PFKFB1: variants seen among roughly 807,000 people sequenced by gnomAD.
PFKFB1 encodes the protein 6-phosphofructo-2-kinase/fructose-2,6-bisphosphatase 1.
A neutral mutation model predicts 46.4 loss-of-function variants in PFKFB1; 34 were observed. The ratio of observed to expected loss-of-function variants is 0.73; its 90% CI spans 0.56 to 0.98. The LOEUF is 0.98. PFKFB1 is among the 50% of genes least tolerant of loss of function. The pLI, the probability that PFKFB1 is intolerant of heterozygous loss-of-function variation, is 0.00. For missense variants in PFKFB1, 393 were observed against 376.3 expected (o/e 1.04, Z -0.37); for synonymous variants, 119 against 133.8 (o/e 0.89, Z 0.76).
At chrX:54,997,905 C>T (rs753961065), upstream of PFKFB1, among the ~76,000 whole-genome samples, 48 of 112,221 alleles carry the variant, frequency 4.3e-4, no homozygotes, top group Non-Finnish European at 6.6e-4. Context: ...ACTCTTAGAG[C>T]GAGGAAGTCC....
chrX:54,954,815 A>T (rs1402840898), intron 7 of PFKFB1, among the ~76,000 whole-genome samples: 2 of 111,891 alleles, frequency 1.8e-5, no homozygotes, highest in Non-Finnish European at 1.9e-5. Context: ...TGATGCATAG[A>T]CTGTAAATGT....
intron 1 of PFKFB1, among the ~76,000 whole-genome samples, chrX:54,971,935 G>T (rs1274424579): frequency 4.5e-5 from 5 of 111,415 alleles, no homozygotes. Context: ...GGGCAGTATG[G>T]CCATCTTCAT....
chrX:54,952,905 T>A (rs1435410374), intron 7 of PFKFB1, among the ~76,000 whole-genome samples: 1 of 109,778 alleles, frequency 9.1e-6, no homozygotes, highest in Non-Finnish European at 1.9e-5. Context: ...GATACAGAGG[T>A]GGTCCACAAC....
intron 1 of PFKFB1, among the ~76,000 whole-genome samples, chrX:54,985,610 A>T (rs1935093934): frequency 1.8e-5 from 2 of 111,168 alleles, no homozygotes; most frequent in South Asian, 7.5e-4. Flanking sequence ...GAACAAATGA[A>T]AATAATAGAA....
intron 1 of PFKFB1, among the ~76,000 whole-genome samples, chrX:54,981,395 CAAT>C (rs1477045045): frequency 3.6e-5 from 4 of 111,516 alleles, no homozygotes; most frequent in Non-Finnish European, 5.7e-5. Context: ...TTCTCAACAA[CAAT>C]AATGAAAACC....
chrX:54,991,799 A>T (rs1244476733), intron 1 of PFKFB1, among the ~76,000 whole-genome samples: 1 of 111,834 alleles, frequency 8.9e-6, no homozygotes, highest in African/African-American at 3.3e-5. Context: ...TCACAAGGGG[A>T]ATAAACAAAC....
upstream of PFKFB1, among the ~76,000 whole-genome samples, chrX:54,997,985 C>T (rs368673183): frequency 4.4e-5 from 5 of 112,397 alleles, no homozygotes; most frequent in South Asian, 3.7e-4. Context: ...CTCTGAGGAA[C>T]GTTGGCTAGA....
At chrX:54,937,496 G>T in intron 11 of PFKFB1, 99 bp downstream of exon 11, 2 of 786,826 alleles carry the variant, frequency 2.5e-6, no homozygotes, top group South Asian at 3.1e-5. Flanking sequence ...CCTTGTTCTA[G>T]ATACTCTTCT....
chrX:54,957,269 T>C (rs1266284965), intron 6 of PFKFB1, among the ~76,000 whole-genome samples: 1 of 111,723 alleles, frequency 9.0e-6, no homozygotes, highest in Non-Finnish European at 1.9e-5. Context: ...CAAGGTACCA[T>C]TCATTTTAAT....
At position 54,964,744 on chromosome X, in the gene PFKFB1, T is replaced by C. The variant is rs1207075522; in HGVS notation, c.98-1362A>G. ...GTCTACTGTTTCCATCTTTATCAGA[T>C]AGGAAACTTAAAATAGCTATGATTA... is the stretch of plus-strand genomic sequence containing the variant. On this transcript the variant is annotated intron_variant, in intron 1 of 13. Transcript: ENST00000375006. 2.7e-5 allele frequency among the ~76,000 whole-genome samples: 3 copies of C among 111,425 alleles called. No homozygotes were observed. The Admixed American group carries it at 2.9e-4, about 11-fold the overall frequency.
intron 11 of PFKFB1, among the ~76,000 whole-genome samples, chrX:54,935,747 C>T (rs1278377191): frequency 1.8e-5 from 2 of 111,538 alleles, no homozygotes; most frequent in Non-Finnish European, 3.8e-5. Flanking sequence ...AATGCATGCA[C>T]TGGCCCCTAC....
intron 1 of PFKFB1, among the ~76,000 whole-genome samples, chrX:54,979,812 G>C (rs1934928605): frequency 1.8e-5 from 2 of 111,690 alleles, no homozygotes; most frequent in African/African-American, 6.5e-5. Context: ...TAAGGCAAAA[G>C]TGATGGGATA....
At chrX:54,977,201 G>GTA (rs1262024427) in intron 1 of PFKFB1, among the ~76,000 whole-genome samples, 1 of 111,140 alleles carries the variant, frequency 9.0e-6, no homozygotes, top group Non-Finnish European at 1.9e-5. Context: ...TATATTACAA[G>GTA]TATATATATC....
intron 10 of PFKFB1, among the ~76,000 whole-genome samples, chrX:54,940,782 G>A (rs1359539857): frequency 9.0e-6 from 1 of 111,713 alleles, no homozygotes; most frequent in Non-Finnish European, 1.9e-5. Context: ...CTCATGGGTA[G>A]GAAGAATCAA....
chrX:54,939,244 G>C (rs1933524103), intron 10 of PFKFB1, among the ~76,000 whole-genome samples: 2 of 111,278 alleles, frequency 1.8e-5, no homozygotes, highest in Non-Finnish European at 3.8e-5. Context: ...ATTTAAAGCA[G>C]TGTGTACAGG....
chrX:54,993,693 A>C (rs1328041722), intron 1 of PFKFB1, among the ~76,000 whole-genome samples: 1 of 112,356 alleles, frequency 8.9e-6, no homozygotes, highest in Non-Finnish European at 1.9e-5. Flanking sequence ...GATGGTCTTA[A>C]CCTAATCCTC....
chrX:54,973,501 C>A (rs1934744331), intron 1 of PFKFB1, among the ~76,000 whole-genome samples: 1 of 111,051 alleles, frequency 9.0e-6, no homozygotes, highest in African/African-American at 3.3e-5. Flanking sequence ...TCCCTCTACA[C>A]ACTGCTTTGA....
At chrX:54,978,263 C>T (rs207478329) in intron 1 of PFKFB1, among the ~76,000 whole-genome samples, 1 of 110,977 alleles carries the variant, frequency 9.0e-6, no homozygotes, top group African/African-American at 3.3e-5. Flanking sequence ...TATTATAACC[C>T]AAATAATTAA....
At chrX:54,998,430 C>G, upstream of PFKFB1, 2 of 1,151,781 alleles carry the variant, frequency 1.7e-6, no homozygotes. Flanking sequence ...GTTTTTTCTT[C>G]CATCGCTAAT....
Sources: gnomAD v4.1 joint callset for allele counts (sites outside exome capture counted in the v4.1 genomes callset) on GRCh38, gnomAD v4.1.1 for gene constraint, MANE v1.5 for transcripts, NCBI Gene and HGNC (gene_info 2026-07-23, HGNC 2026-07-21) for gene names.